EPHA3: variants seen among roughly 807,000 people sequenced by gnomAD.
EPHA3 encodes the protein EPH receptor A3.
In EPHA3, 42 loss-of-function variants were observed where a neutral mutation model predicts 107.1. That is an observed-to-expected ratio of 0.39 (90% confidence interval 0.31 to 0.51). The LOEUF is 0.51. Ranked by LOEUF, EPHA3 falls within the 20% of genes least tolerant of loss-of-function variation. EPHA3 has a pLI of 0.78. For synonymous variants in EPHA3, 461 were observed against 424.8 expected, an observed-to-expected ratio of 1.09 and a Z score of -1.05; for missense variants, 1,183 against 1,211.2, an observed-to-expected ratio of 0.98 and a Z score of 0.35.
At chr3:89,295,273 A>G (rs1011060955) in intron 3 of EPHA3, among the ~76,000 whole-genome samples, 1 of 152,178 alleles carries the variant, frequency 6.6e-6, no homozygotes, top group African/African-American at 2.4e-5. Flanking sequence ...TTACTAAAAA[A>G]TGCTGATGAT....
chr3:89,156,187 TC>T (rs1314264198), intron 2 of EPHA3, among the ~76,000 whole-genome samples: 1 of 152,044 alleles, frequency 6.6e-6, no homozygotes, highest in Non-Finnish European at 1.5e-5. Flanking sequence ...GGTGGACTTT[TC>T]AGAGTAGAGA....
At chr3:89,355,272 CAGAA>C (rs1232499049) in intron 5 of EPHA3, among the ~76,000 whole-genome samples, 22 of 151,278 alleles carry the variant, frequency 1.5e-4, no homozygotes, top group African/African-American at 5.3e-4. Flanking sequence ...CAGAGTAGGT[CAGAA>C]CTATTGCTTT....
chr3:89,233,683 G>A (rs940910551), intron 3 of EPHA3, among the ~76,000 whole-genome samples: 6 of 152,132 alleles, frequency 3.9e-5, no homozygotes, highest in African/African-American at 1.4e-4. Context: ...AAAGGCTGGA[G>A]TATAGTACTA....
intron 2 of EPHA3, among the ~76,000 whole-genome samples, chr3:89,185,023 G>T (rs1705531444): frequency 6.6e-6 from 1 of 151,928 alleles, no homozygotes; most frequent in Non-Finnish European, 1.5e-5. Flanking sequence ...GCTGTCTCTG[G>T]ATTATTTTTC....
chr3:89,271,953 G>A (rs1455438051), intron 3 of EPHA3, among the ~76,000 whole-genome samples: 8 of 151,786 alleles, frequency 5.3e-5, no homozygotes, highest in Non-Finnish European at 4.4e-5. Flanking sequence ...ATACAATGAG[G>A]ATGACCACTA....
intron 2 of EPHA3, among the ~76,000 whole-genome samples, chr3:89,179,473 C>G (rs913008835): frequency 6.6e-6 from 1 of 151,940 alleles, no homozygotes; most frequent in Non-Finnish European, 1.5e-5. Flanking sequence ...TAGTGAGTCT[C>G]TTTATGATCT....
intron 3 of EPHA3, among the ~76,000 whole-genome samples, chr3:89,250,713 C>A (rs566363040): frequency 6.6e-6 from 1 of 152,158 alleles, no homozygotes; most frequent in East Asian, 1.9e-4. Context: ...GGCATCACTG[C>A]CCATTAGCAA....
chr3:89,359,881 A>C (rs1473744494), intron 5 of EPHA3, among the ~76,000 whole-genome samples: 1 of 147,674 alleles, frequency 6.8e-6, no homozygotes, highest in Non-Finnish European at 1.5e-5. Flanking sequence ...GCCTGAGGGA[A>C]TTGTTGCCCA....
chr3:89,304,233 G>C (rs186381200), intron 3 of EPHA3, among the ~76,000 whole-genome samples: 1 of 152,074 alleles, frequency 6.6e-6, no homozygotes, highest in Non-Finnish European at 1.5e-5. Context: ...TTCTTTTCTA[G>C]TCCAGTATGA....
intron 5 of EPHA3, among the ~76,000 whole-genome samples, chr3:89,350,236 C>T (rs1306296479): frequency 5.3e-5 from 8 of 150,464 alleles, no homozygotes; most frequent in Non-Finnish European, 8.9e-5. Context: ...CCATTCTCCC[C>T]GTCACTTTCA....
At position 89,481,035 on chromosome 3, in the gene EPHA3, T is replaced by C. The variant is rs1710612481; in HGVS notation, c.*1533T>C. On this transcript the variant is annotated 3_prime_UTR_variant, in exon 17 of 17. Transcript: ENST00000336596. Reference sequence around the variant, plus strand: ...ATGTACCTGGTGGATATCTAGCTAGTAATATATTCTGAAGCAACATTTTAG... The same window carrying C: ...ATGTACCTGGTGGATATCTAGCTAGCAATATATTCTGAAGCAACATTTTAG... The C allele has an allele frequency of 8.6e-6, 2 of 231,582 alleles. No individual in the cohort carries two copies. The highest frequency in any genetic ancestry group is 4.4e-5 in the African/African-American group (2 of 45,266). 14.3% of individuals were successfully genotyped at this position (231,582 alleles called of 1,614,324 possible).
intron 5 of EPHA3, among the ~76,000 whole-genome samples, chr3:89,366,025 A>G (rs1239259966): frequency 3.3e-5 from 5 of 150,786 alleles, no homozygotes; most frequent in African/African-American, 1.2e-4. Context: ...AAGGAAAACA[A>G]ACCAGTTGAC....
intron 2 of EPHA3, among the ~76,000 whole-genome samples, chr3:89,131,130 A>G (rs1353574394): frequency 6.6e-6 from 1 of 152,080 alleles, no homozygotes; most frequent in African/African-American, 2.4e-5. Flanking sequence ...TTATTTGTGG[A>G]GGTCGTGAAT....
chr3:89,206,879 T>A (rs1263298634), intron 2 of EPHA3, among the ~76,000 whole-genome samples: 1 of 152,166 alleles, frequency 6.6e-6, no homozygotes, highest in East Asian at 1.9e-4. Context: ...TTAGAATGTA[T>A]CTTGTATATT....
intron 2 of EPHA3, among the ~76,000 whole-genome samples, chr3:89,152,702 G>A (rs1704715239): frequency 6.6e-6 from 1 of 152,006 alleles, no homozygotes; most frequent in African/African-American, 2.4e-5. Flanking sequence ...AGGGTAAAAA[G>A]TAAAAACCAT....
chr3:89,422,858 A>G (rs1709378485), intron 11 of EPHA3, among the ~76,000 whole-genome samples: 1 of 151,430 alleles, frequency 6.6e-6, no homozygotes, highest in Non-Finnish European at 1.5e-5. Context: ...ATTTTCATTT[A>G]GCCACAAACA....
intron 2 of EPHA3, among the ~76,000 whole-genome samples, chr3:89,130,976 A>G (rs1704196908): frequency 6.6e-6 from 1 of 152,154 alleles, no homozygotes; most frequent in Non-Finnish European, 1.5e-5. Context: ...TCTTAGAGAA[A>G]ACCTTGTAGG....
chr3:89,204,449 G>A (rs761350544), intron 2 of EPHA3, among the ~76,000 whole-genome samples: 1 of 150,546 alleles, frequency 6.6e-6, no homozygotes, highest in Non-Finnish European at 1.5e-5. Flanking sequence ...CTGACTCCTC[G>A]GCCACAAATG....
At chr3:89,185,885 G>T (rs1466081319) in intron 2 of EPHA3, among the ~76,000 whole-genome samples, 1 of 152,062 alleles carries the variant, frequency 6.6e-6, no homozygotes, top group Admixed American at 6.6e-5. Context: ...TTTGAAAAGT[G>T]ATATTTTGAG....
Sources: gnomAD v4.1 joint callset for allele counts (sites outside exome capture counted in the v4.1 genomes callset) on GRCh38, gnomAD v4.1.1 for gene constraint, MANE v1.5 for transcripts, NCBI Gene and HGNC (gene_info 2026-07-23, HGNC 2026-07-21) for gene names.